VAV3: variants seen among roughly 807,000 people sequenced by gnomAD.
VAV3 encodes the protein vav guanine nucleotide exchange factor 3.
Under a neutral mutation model 131.2 loss-of-function variants are expected in VAV3, and 94 were observed. The observed-to-expected ratio is 0.72, with a 90% CI of 0.61 to 0.85. The LOEUF is 0.85. VAV3 is among the 40% of genes least tolerant of loss of function. The pLI is 0.00. For synonymous variants in VAV3, 349 were observed against 342.0 expected (o/e 1.02, Z -0.22); for missense variants, 939 against 1,002.7 (o/e 0.94, Z 0.86).
intron 15 of VAV3, among the ~76,000 whole-genome samples, chr1:107,731,482 G>C (rs559319023): frequency 7.9e-5 from 12 of 152,188 alleles, no homozygotes; most frequent in Non-Finnish European, 1.8e-4. Flanking sequence ...ATATCTGAAA[G>C]ATTTCCAGGT....
At chr1:107,657,663 C>T (rs1258032454) in intron 19 of VAV3, among the ~76,000 whole-genome samples, 1 of 152,130 alleles carries the variant, frequency 6.6e-6, no homozygotes, top group East Asian at 1.9e-4. Context: ...TTCCACACAG[C>T]TACCATAGGG....
At chr1:107,674,171 C>CT (rs1236442863) in intron 19 of VAV3, among the ~76,000 whole-genome samples, 1 of 152,208 alleles carries the variant, frequency 6.6e-6, no homozygotes, top group Non-Finnish European at 1.5e-5. Context: ...AAAAATTCAA[C>CT]TGCATTCAAG....
chr1:107,704,454 A>C, intron 17 of VAV3, 96 bp downstream of exon 17: 2 of 872,432 alleles, frequency 2.3e-6, no homozygotes, highest in South Asian at 3.3e-5. Flanking sequence ...GATATGTTAC[A>C]ATAAACACAT....
At chr1:107,725,787 A>G (rs1267526684) in intron 15 of VAV3, among the ~76,000 whole-genome samples, 2 of 152,202 alleles carry the variant, frequency 1.3e-5, no homozygotes, top group Non-Finnish European at 2.9e-5. Flanking sequence ...TGTTGGGATT[A>G]CAGGTGTGAG....
At chr1:107,927,814 C>G (rs1673236053) in intron 1 of VAV3, among the ~76,000 whole-genome samples, 1 of 152,158 alleles carries the variant, frequency 6.6e-6, no homozygotes, top group Non-Finnish European at 1.5e-5. Flanking sequence ...CCCTGGCTCC[C>G]AGATGATACC....
chr1:107,602,710 C>A (rs879290562), intron 23 of VAV3, among the ~76,000 whole-genome samples: 28 of 152,036 alleles, frequency 1.8e-4, no homozygotes, highest in Non-Finnish European at 2.9e-4. Flanking sequence ...TTTGACTATT[C>A]ATTATGCACA....
chr1:107,799,009 C>T (rs1666698113), intron 2 of VAV3, among the ~76,000 whole-genome samples: 1 of 151,672 alleles, frequency 6.6e-6, no homozygotes, highest in Non-Finnish European at 1.5e-5. Flanking sequence ...TATCAGAAGT[C>T]CAAAACTTAA....
chr1:107,809,325 G>A (rs1667208666), intron 2 of VAV3, among the ~76,000 whole-genome samples: 1 of 152,046 alleles, frequency 6.6e-6, no homozygotes, highest in Admixed American at 6.6e-5. Flanking sequence ...GAAGAACACA[G>A]AATGAATAAA....
At chr1:107,728,918 C>T (rs555227004) in intron 15 of VAV3, among the ~76,000 whole-genome samples, 14 of 152,214 alleles carry the variant, frequency 9.2e-5, no homozygotes, top group South Asian at 6.2e-4. Context: ...TTCCTAGCTC[C>T]GACAGTATGC....
Position 107,705,691 on chromosome 1 carries a change from C to T in VAV3, c.1503-630G>A, listed in dbSNP as rs1353197677. On this transcript the variant is annotated intron_variant, in intron 15 of 26. Transcript: ENST00000370056. ...ATTTTGCACACCACAAACTAATATT[C>T]TTTGTATATTTACTCTGTGCCACAG... 2.6e-5 allele frequency among the ~76,000 whole-genome samples: 4 copies of T among 152,052 alleles called. No individual in the cohort carries two copies. The East Asian group carries it at 7.7e-4, about 29-fold the overall frequency.
At chr1:107,913,627 C>A (rs1308797046) in intron 1 of VAV3, among the ~76,000 whole-genome samples, 1 of 152,074 alleles carries the variant, frequency 6.6e-6, no homozygotes, top group Non-Finnish European at 1.5e-5. Context: ...CATAAGTACA[C>A]AAAATAATCT....
At chr1:107,656,443 G>C (rs1168437863) in intron 19 of VAV3, among the ~76,000 whole-genome samples, 1 of 152,152 alleles carries the variant, frequency 6.6e-6, no homozygotes, top group East Asian at 1.9e-4. Flanking sequence ...TATATTCATG[G>C]TTACCAGAGG....
intron 17 of VAV3, among the ~76,000 whole-genome samples, chr1:107,693,608 TAA>T (rs971441856): frequency 2.8e-4 from 43 of 152,262 alleles, no homozygotes; most frequent in Admixed American, 1.3e-3. Context: ...AAAGAAGTGT[TAA>T]GAGATACTTC....
chr1:107,964,658 C>T lies in VAV3; in HGVS notation c.204+8G>A. On this transcript the variant is annotated splice_region_variant and intron_variant, in intron 1 of 26. Transcript: ENST00000370056. ...CTGGAGGCGGGGCGCCCGTGCCGGCCTCCTCACCTGGGACATCTGCGGCCT... is the reference window on the plus strand; with the variant it reads ...CTGGAGGCGGGGCGCCCGTGCCGGCTTCCTCACCTGGGACATCTGCGGCCT... The T allele has an allele frequency of 1.2e-6, 2 of 1,609,912 alleles. No individual in the cohort carries two copies. The highest frequency in any genetic ancestry group is 2.2e-5 in the South Asian group (2 of 90,510).
intron 12 of VAV3, among the ~76,000 whole-genome samples, chr1:107,754,654 G>T (rs79748332): frequency 1.3e-5 from 2 of 152,086 alleles, no homozygotes; most frequent in Non-Finnish European, 2.9e-5. Context: ...TGGCCTACAA[G>T]GCTGTGTTAT....
At chr1:107,766,353 A>G (rs904712943) in intron 8 of VAV3, 94 bp downstream of exon 8, 2 of 779,550 alleles carry the variant, frequency 2.6e-6, no homozygotes, top group African/African-American at 3.5e-5. Context: ...GTAATGTAAT[A>G]AACAGCAGTA....
intron 24 of VAV3, among the ~76,000 whole-genome samples, chr1:107,597,964 T>C (rs114183014): frequency 0.014 from 2,139 of 152,272 alleles, 55 homozygotes; most frequent in African/African-American, 0.049. Context: ...GTGAGGTGAG[T>C]GAACTTAGGC....
intron 20 of VAV3, 81 bp downstream of exon 20, chr1:107,642,538 G>C: frequency 6.5e-7 from 1 of 1,527,432 alleles, no homozygotes; most frequent in Non-Finnish European, 8.9e-7. Context: ...CTGTGGACTC[G>C]CCCTGAATTC....
chr1:107,804,766 T>G (rs1025351716), intron 2 of VAV3, among the ~76,000 whole-genome samples: 5 of 152,084 alleles, frequency 3.3e-5, no homozygotes, highest in Non-Finnish European at 5.9e-5. Context: ...TTTTGGTTTT[T>G]TTTGTTTGTT....
Sources: gnomAD v4.1 joint callset for allele counts (sites outside exome capture counted in the v4.1 genomes callset) on GRCh38, gnomAD v4.1.1 for gene constraint, MANE v1.5 for transcripts, NCBI Gene and HGNC (gene_info 2026-07-23, HGNC 2026-07-21) for gene names.